The following CELF2 variants were observed in gnomAD, a reference collection of about 807,000 sequenced individuals.
The protein encoded by CELF2 is CUGBP Elav-like family member 2, also known as CUG triplet repeat RNA-binding protein 2.
Under a neutral mutation model 62.6 loss-of-function variants are expected in CELF2, and 8 were observed. The observed-to-expected ratio is 0.13, with a 90% confidence interval of 0.07 to 0.23. The LOEUF (loss-of-function observed/expected upper bound fraction) is 0.23, where lower values mean the gene tolerates loss of function less well. CELF2 is among the 10% of genes least tolerant of loss of function. The pLI, the probability that CELF2 is intolerant of heterozygous loss-of-function variation, is 1.00. For synonymous variants in CELF2, 258 were observed against 250.0 expected (o/e 1.03, Z -0.30); for missense variants, 333 against 671.0 (o/e 0.50, Z 5.56).
the CELF2 span, among the ~76,000 whole-genome samples, chr10:10,495,843 G>A: frequency 2.0e-5 from 3 of 152,132 alleles, no homozygotes; most frequent in African/African-American, 7.2e-5. Context: ...AGGACTGTAC[G>A]CATTTTCACC....
chr10:10,590,801 G>C, the CELF2 span, among the ~76,000 whole-genome samples: 1 of 152,156 alleles, frequency 6.6e-6, no homozygotes, highest in Non-Finnish European at 1.5e-5. Flanking sequence ...TGATGCTTTT[G>C]CTAAAATCTA....
intron 3 of CELF2, among the ~76,000 whole-genome samples, chr10:11,245,882 A>C (rs2075445859): frequency 6.6e-6 from 1 of 152,174 alleles, no homozygotes; most frequent in Admixed American, 6.5e-5. Flanking sequence ...TGGACATTTT[A>C]TGGAGAAGCA....
intron 1 of CELF2, among the ~76,000 whole-genome samples, chr10:11,057,889 T>C (rs1038527542): frequency 2.6e-5 from 4 of 152,188 alleles, no homozygotes; most frequent in African/African-American, 9.7e-5. Flanking sequence ...CAAAGAACAA[T>C]TATATTTAGC....
the CELF2 span, among the ~76,000 whole-genome samples, chr10:10,512,579 CTTTT>C: frequency 3.3e-5 from 5 of 151,668 alleles, no homozygotes; most frequent in Non-Finnish European, 5.9e-5. Flanking sequence ...GCCCGGCTAA[CTTTT>C]TTTGTATTTT....
chr10:10,761,954 GTAGACAGATA>G, the CELF2 span, among the ~76,000 whole-genome samples: 1 of 141,434 alleles, frequency 7.1e-6, no homozygotes, highest in Admixed American at 7.1e-5. Flanking sequence ...GTGTGTGTGT[GTAGACAGATA>G]TGTAGATGAT....
chr10:10,928,337 T>A lies in CELF2; in HGVS notation c.89+8338T>A, dbSNP rs1259211092. ...ATAAGAAAACTGAGATCTGGTCTCC[T>A]ACTCTTTGTATGTGTTCTTCCTTCT... On this transcript the variant is annotated intron_variant, in intron 2 of 13. Coordinates refer to the CELF2 transcript ENST00000636488. The surrounding 1 kb of genome is among the most constrained non-coding windows in gnomAD (Gnocchi z 4.8). Among the ~76,000 whole-genome samples the A allele has an allele frequency of 6.6e-6, 1 of 152,206 alleles. No homozygotes were observed. The highest frequency in any genetic ancestry group is 2.1e-4 in the South Asian group (1 of 4,824).
chr10:10,924,791 G>T (rs1358443115), intron 2 of CELF2, among the ~76,000 whole-genome samples: 1 of 124,468 alleles, frequency 8.0e-6, no homozygotes, highest in African/African-American at 3.1e-5. Context: ...AGCAATTGGG[G>T]AACCCCCAAT....
At position 11,328,468 on chromosome 10, in the gene CELF2, G is replaced by A. The variant is rs568210562; in HGVS notation, c.1439-458G>A. ...GCTGTTCTCCAGCCCTTCCCTTCCC[G>A]AGCCTGCCTGTTGGCCTCACCTGGC... On this transcript the variant is annotated intron_variant, in intron 12 of 12. Coordinates refer to ENST00000633077, the MANE Select transcript of CELF2 (RefSeq NM_001326342.2). This position sits in a 1 kb window ranked among gnomAD's most constrained non-coding sequence, Gnocchi z 6.4. Among the ~76,000 whole-genome samples, 176 of 152,190 alleles carry A rather than the reference G, an allele frequency of 1.2e-3. No individual in the cohort carries two copies. The highest frequency in any genetic ancestry group is 1.9e-3 in the Non-Finnish European group (132 of 68,018).
intron 2 of CELF2, among the ~76,000 whole-genome samples, chr10:10,968,685 G>A (rs578203971): frequency 4.0e-5 from 6 of 151,678 alleles, no homozygotes; most frequent in African/African-American, 1.2e-4. Context: ...ATAATGTATA[G>A]CAAAGATAAG....
chr10:11,083,620 C>A (rs1355561167), intron 1 of CELF2, among the ~76,000 whole-genome samples: 1 of 152,148 alleles, frequency 6.6e-6, no homozygotes, highest in Non-Finnish European at 1.5e-5. Flanking sequence ...TTGCATTTTC[C>A]ATATTTCCCC....
chr10:10,806,317 G>A (rs1370536013), intron 1 of CELF2, among the ~76,000 whole-genome samples: 1 of 151,242 alleles, frequency 6.6e-6, no homozygotes, highest in Non-Finnish European at 1.5e-5. Flanking sequence ...CGATTCTCCT[G>A]CCTCAGCCTC....
At chr10:11,188,086 T>C (rs1359433316) in intron 2 of CELF2, among the ~76,000 whole-genome samples, 1 of 152,194 alleles carries the variant, frequency 6.6e-6, no homozygotes, top group African/African-American at 2.4e-5. Context: ...GCCCCTTTTT[T>C]GAAGTATGTA....
intron 1 of CELF2, among the ~76,000 whole-genome samples, chr10:11,068,411 C>T (rs530974422): frequency 8.5e-5 from 13 of 152,286 alleles, no homozygotes; most frequent in Admixed American, 3.9e-4. Flanking sequence ...GCCTGCAACC[C>T]TCAGTATACC....
chr10:11,155,418 C>G (rs60686715), intron 1 of CELF2, among the ~76,000 whole-genome samples: 1 of 152,026 alleles, frequency 6.6e-6, no homozygotes, highest in African/African-American at 2.4e-5. Flanking sequence ...GTTTGCTCCT[C>G]GTCTTCTCCT....
chr10:11,111,244 C>A (rs934547238), intron 1 of CELF2, among the ~76,000 whole-genome samples: 2 of 152,192 alleles, frequency 1.3e-5, no homozygotes, highest in African/African-American at 4.8e-5. Context: ...TTAAAAACTT[C>A]TGTGATTAAA....
chr10:11,116,038 A>G (rs997230256), intron 1 of CELF2, among the ~76,000 whole-genome samples: 1 of 152,232 alleles, frequency 6.6e-6, no homozygotes, highest in African/African-American at 2.4e-5. Context: ...TGATAAATGC[A>G]GGAAAATAGC....
At chr10:10,651,349 C>G in the CELF2 span, among the ~76,000 whole-genome samples, 2 of 149,090 alleles carry the variant, frequency 1.3e-5, no homozygotes, top group South Asian at 2.3e-4. Context: ...CGGGGAAGCT[C>G]GAACTGGGTG....
chr10:10,774,650 G>T, the CELF2 span, among the ~76,000 whole-genome samples: 7 of 152,282 alleles, frequency 4.6e-5, no homozygotes, highest in South Asian at 1.5e-3. Flanking sequence ...ATGGCGCAGT[G>T]CTTCCCGCAC....
intron 1 of CELF2, chr10:11,097,387 T>A (rs2050191824): frequency 6.6e-6 from 1 of 152,170 alleles, no homozygotes; most frequent in Admixed American, 6.5e-5. Flanking sequence ...TGAAGAAAAG[T>A]CAGAAGATTG....
Sources: gnomAD v4.1 joint callset for allele counts (sites outside exome capture counted in the v4.1 genomes callset) on GRCh38, gnomAD v4.1.1 for gene constraint, Gnocchi (gnomAD v3.1) non-coding constraint, MANE v1.5 for transcripts, NCBI Gene and HGNC (gene_info 2026-07-23, HGNC 2026-07-21) for gene names.